COL25A1: variants seen among roughly 807,000 people sequenced by gnomAD.
COL25A1 encodes collagen alpha-1(XXV) chain.
In COL25A1, 103 loss-of-function variants were observed where a neutral mutation model predicts 128.4. The observed-to-expected ratio is 0.80, with a 90% CI of 0.68 to 0.94. The LOEUF (loss-of-function observed/expected upper bound fraction) is 0.94. Ranked by LOEUF, COL25A1 falls within the 40% of genes least tolerant of loss-of-function variation. The pLI, the probability that COL25A1 is intolerant of heterozygous loss-of-function variation, is 0.00. For missense variants in COL25A1, 745 were observed against 840.0 expected (o/e 0.89, Z 1.40); for synonymous variants, 279 against 277.2 (o/e 1.01, Z -0.06).
At chr4:109,027,070 G>A (rs1490955498) in intron 5 of COL25A1, among the ~76,000 whole-genome samples, 1 of 152,190 alleles carries the variant, frequency 6.6e-6, no homozygotes, top group East Asian at 1.9e-4. Context: ...TACCTACAGT[G>A]TGCAGGCATT....
At chr4:109,215,199 G>A (rs1315645322) in intron 3 of COL25A1, among the ~76,000 whole-genome samples, 1 of 152,132 alleles carries the variant, frequency 6.6e-6, no homozygotes, top group African/African-American at 2.4e-5. Context: ...TTTTAGGTGA[G>A]CTACTTAGCA....
chr4:108,912,503 T>C (rs531392487), intron 13 of COL25A1, among the ~76,000 whole-genome samples: 1 of 152,258 alleles, frequency 6.6e-6, no homozygotes, highest in South Asian at 2.1e-4. Flanking sequence ...AAGTTTAGCA[T>C]TAGAAAGTCA....
chr4:108,903,826 AT>A (rs1484398884), intron 13 of COL25A1, among the ~76,000 whole-genome samples: 2 of 152,058 alleles, frequency 1.3e-5, no homozygotes, highest in Non-Finnish European at 1.5e-5. Flanking sequence ...AATTTTAATT[AT>A]TTTTGTAGCC....
At chr4:108,865,643 TTTTAC>T (rs1332247621) in intron 20 of COL25A1, among the ~76,000 whole-genome samples, 1 of 152,216 alleles carries the variant, frequency 6.6e-6, no homozygotes, top group Non-Finnish European at 1.5e-5. Context: ...TCTTTTAATG[TTTTAC>T]TTTAAGAATT....
chr4:109,146,442 T>C (rs946806829), intron 3 of COL25A1, among the ~76,000 whole-genome samples: 2 of 152,232 alleles, frequency 1.3e-5, no homozygotes, highest in African/African-American at 4.8e-5. Flanking sequence ...TTGAATATCT[T>C]CACATTAAAT....
chr4:109,109,665 G>C (rs1401500971), intron 3 of COL25A1, among the ~76,000 whole-genome samples: 1 of 152,180 alleles, frequency 6.6e-6, no homozygotes, highest in Non-Finnish European at 1.5e-5. Flanking sequence ...CTCTGTGCCT[G>C]GGGATGTATA....
Position 109,302,034 on chromosome 4 carries a change from C to G in COL25A1, c.-15G>C. ...TTCAGCAGCATCGTGGCGGGGTCGG[C>G]CGTCTCGGCTTCGCTTCCCACCCTC... On this transcript the variant is annotated 5_prime_UTR_variant, in exon 2 of 38. Transcript: ENST00000399132. 7 of 1,567,914 alleles carry G rather than the reference C, an allele frequency of 4.5e-6. No homozygotes were observed. Among genetic ancestry groups the G allele is most frequent in the Non-Finnish European group, 6.0e-6 (7 of 1,162,068 alleles).
At chr4:109,195,096 G>C (rs1304374065) in intron 3 of COL25A1, among the ~76,000 whole-genome samples, 2 of 151,800 alleles carry the variant, frequency 1.3e-5, no homozygotes, top group African/African-American at 4.8e-5. Flanking sequence ...ACACCTCCTA[G>C]GTACCCACAA....
intron 5 of COL25A1, among the ~76,000 whole-genome samples, chr4:109,011,568 G>A (rs2126046506): frequency 6.6e-6 from 1 of 152,294 alleles, no homozygotes; most frequent in Admixed American, 6.5e-5. Context: ...TTTGGGATAT[G>A]CTATTATATT....
At chr4:109,029,415 C>T (rs927251497) in intron 5 of COL25A1, among the ~76,000 whole-genome samples, 4 of 152,184 alleles carry the variant, frequency 2.6e-5, no homozygotes, top group African/African-American at 4.8e-5. Flanking sequence ...CTTCCTCTCA[C>T]CATGTAGGCA....
intron 5 of COL25A1, among the ~76,000 whole-genome samples, chr4:109,046,261 T>G (rs1359859673): frequency 6.6e-6 from 1 of 152,214 alleles, no homozygotes; most frequent in Non-Finnish European, 1.5e-5. Flanking sequence ...GGCTTAATGC[T>G]AATTCTCTCT....
At chr4:109,000,749 A>G (rs1287947419) in intron 6 of COL25A1, among the ~76,000 whole-genome samples, 1 of 131,098 alleles carries the variant, frequency 7.6e-6, no homozygotes, top group African/African-American at 2.7e-5. Context: ...CTGTCAAAAA[A>G]AAAAAAAAAA....
chr4:108,993,997 C>G (rs1315515784), intron 6 of COL25A1, among the ~76,000 whole-genome samples: 1 of 152,070 alleles, frequency 6.6e-6, no homozygotes, highest in Non-Finnish European at 1.5e-5. Flanking sequence ...TCCAAGATGG[C>G]CAAATAGGAA....
intron 8 of COL25A1, among the ~76,000 whole-genome samples, chr4:108,969,500 A>G (rs566611253): frequency 6.6e-5 from 10 of 152,190 alleles, no homozygotes; most frequent in Non-Finnish European, 1.5e-4. Flanking sequence ...TGCCTTCTCC[A>G]AACTTCTTTT....
chr4:109,087,105 TGGG>T (rs1433335501), intron 3 of COL25A1, among the ~76,000 whole-genome samples: 2 of 152,144 alleles, frequency 1.3e-5, no homozygotes, highest in Non-Finnish European at 1.5e-5. Flanking sequence ...ACCCAGTGTG[TGGG>T]CAAAATGACA....
At chr4:109,274,238 C>G (rs17040238) in intron 3 of COL25A1, among the ~76,000 whole-genome samples, 5,674 of 152,144 alleles carry the variant, frequency 0.037, 356 homozygotes, top group African/African-American at 0.13. Context: ...AGTTCAAAGT[C>G]TATTCTTCCA....
In COL25A1 at chr4:109,218,357, G is replaced by GTTTTTTTTTTGTTTGTTTTTTTTTT. The variant is rs1553961829; in HGVS notation, c.367+82225_367+82226insAAAAAAAAAACAAACAAAAAAAAAA. Among the ~76,000 whole-genome samples the GTTTTTTTTTTGTTTGTTTTTTTTTT allele has an allele frequency of 2.2e-3, 162 of 73,506 alleles. 5 individuals are homozygous for GTTTTTTTTTTGTTTGTTTTTTTTTT. Among genetic ancestry groups the GTTTTTTTTTTGTTTGTTTTTTTTTT allele is most frequent in the African/African-American group, 3.8e-3 (67 of 17,850 alleles). The allele number at this position is 73,506 out of a possible 152,430, so 48.2% of individuals were successfully genotyped here. The stretch of plus-strand genomic sequence containing the variant: ...CAGAATCAATTGCTGGTTTTTTGGG[G>GTTTTTTTTTTGTTTGTTTTTTTTTT]TTTTTTTTTTTTTTTTTTTTTTTTT... On this transcript the variant is annotated intron_variant, in intron 3 of 37. Coordinates refer to ENST00000399132, the MANE Select transcript of COL25A1 (RefSeq NM_198721.4).
chr4:108,989,924 C>A (rs1343799514), intron 6 of COL25A1, among the ~76,000 whole-genome samples: 2 of 151,792 alleles, frequency 1.3e-5, no homozygotes, highest in African/African-American at 2.4e-5. Flanking sequence ...ATAAAAATTA[C>A]CAAATACGCC....
chr4:108,814,596 T>C (rs955299225), intron 37 of COL25A1, among the ~76,000 whole-genome samples: 9 of 152,214 alleles, frequency 5.9e-5, no homozygotes, highest in African/African-American at 1.7e-4. Context: ...CTCTCTCTCA[T>C]AGCAGTCATA....
Sources: gnomAD v4.1 joint callset for allele counts (sites outside exome capture counted in the v4.1 genomes callset) on GRCh38, gnomAD v4.1.1 for gene constraint, MANE v1.5 for transcripts, NCBI Gene and HGNC (gene_info 2026-07-23, HGNC 2026-07-21) for gene names.